The following CYFIP2 variants were observed in gnomAD, a reference collection of about 807,000 sequenced individuals.
CYFIP2 encodes cytoplasmic FMR1 interacting protein 2, also known as cytoplasmic FMR1-interacting protein 2.
In CYFIP2, 29 loss-of-function variants were observed where a neutral mutation model predicts 158.7. The observed-to-expected ratio is 0.18, with a 90% CI of 0.14 to 0.25. The LOEUF (loss-of-function observed/expected upper bound fraction) is 0.25. Ranked by LOEUF, CYFIP2 falls within the 10% of genes least tolerant of loss-of-function variation. The pLI is 1.00. For missense variants in CYFIP2, 852 were observed against 1,639.5 expected, an observed-to-expected ratio of 0.52 and a Z score of 8.29; for synonymous variants, 585 against 617.6, an observed-to-expected ratio of 0.95 and a Z score of 0.78.
At chr5:157,372,421 C>A (rs1340083240) in intron 26 of CYFIP2, among the ~76,000 whole-genome samples, 1 of 152,052 alleles carries the variant, frequency 6.6e-6, no homozygotes, top group African/African-American at 2.4e-5. Flanking sequence ...TTCATTATTC[C>A]TTCAAATATT....
At chr5:157,275,801 T>C (rs950800669) in intron 1 of CYFIP2, among the ~76,000 whole-genome samples, 43 of 152,236 alleles carry the variant, frequency 2.8e-4, no homozygotes, top group African/African-American at 1.0e-3. Context: ...TATCTTTTTA[T>C]TTATTTAGGT....
Position 157,339,186 on chromosome 5 carries a change from A to G in CYFIP2, c.2515A>G (p.Thr839Ala). Residue 839 changes from threonine (T) to alanine (A), a missense_variant, in exon 22 of 31, where the codon ACC becomes GCC. Thr to Ala is a moderately conservative substitution (Grantham distance 58, BLOSUM62 0). Around this residue, in one of 8 missense-constraint regions of CYFIP2, gnomAD observed 191 missense variants for 311.2 expected, o/e 0.61. Transcript: ENST00000620254. The part of the protein sequence containing the change: ...HNVSAPYGRI[T>A]LHVFWELNFD... ...TGTGTCCGCCCCCTATGGCCGTATC[A>G]CCCTGCATGTCTTCTGGGAACTGAA... The G allele has an allele frequency of 6.2e-7, 1 of 1,613,812 alleles. No individual in the cohort carries two copies. Among genetic ancestry groups the G allele is most frequent in the Non-Finnish European group, 8.5e-7 (1 of 1,179,884 alleles).
chr5:157,309,015 A>G (rs181555447), intron 9 of CYFIP2, among the ~76,000 whole-genome samples: 1 of 152,334 alleles, frequency 6.6e-6, no homozygotes, highest in East Asian at 1.9e-4. Flanking sequence ...GTGGGGTTAC[A>G]TAGATGACTC....
rs753248226 is a variant in CYFIP2, at chr5:157,390,599, G to A, written c.3525G>A (p.Leu1175=). ...VLLGQQRRFD[L]FDFCYHLLKV... is the part of the protein sequence containing the mutation. ...TGGGCCAGCAGCGTCGCTTTGACCT[G>A]TTCGACTTCTGTTACCACCTGCTAA... The change falls in exon 30 of 31, where the codon CTG becomes CTA. Residue 1175 remains leucine, a synonymous_variant. Coordinates refer to ENST00000620254, the MANE Select transcript of CYFIP2 (RefSeq NM_001037333.3). 2.0e-5 allele frequency: 31 copies of A among 1,568,582 alleles called. 1 individual carries two copies. The highest frequency in any genetic ancestry group is 5.7e-5 in the Admixed American group (3 of 52,502).
At chr5:157,348,286 T>A (rs944966181) in intron 23 of CYFIP2, among the ~76,000 whole-genome samples, 7 of 152,124 alleles carry the variant, frequency 4.6e-5, no homozygotes, top group Non-Finnish European at 8.8e-5. Context: ...GCCCTGGAAT[T>A]CCCAGGCTGG....
chr5:157,283,620 C>T (rs1757155445), intron 1 of CYFIP2, among the ~76,000 whole-genome samples: 1 of 152,126 alleles, frequency 6.6e-6, no homozygotes, highest in Admixed American at 6.5e-5. Flanking sequence ...TCAGTGAGCC[C>T]TCACTGGATG....
At position 157,337,016 on chromosome 5, in the gene CYFIP2, C is replaced by T. The variant is rs186930078; in HGVS notation, c.2386-2041C>T. 2.4e-3 allele frequency among the ~76,000 whole-genome samples: 369 copies of T among 152,310 alleles called. 3 individuals are homozygous for T. Among genetic ancestry groups the T allele is most frequent in the African/African-American group, 8.4e-3 (350 of 41,554 alleles). The stretch of plus-strand genomic sequence containing the variant: ...TTGTGAGACTGCTGAAGTCACAGAA[C>T]GATAACACAGAAATTGTTCCCCAGC... On this transcript the variant is annotated intron_variant, in intron 21 of 30. Transcript: ENST00000620254.
chr5:157,280,079 A>G (rs1756870872), intron 1 of CYFIP2, among the ~76,000 whole-genome samples: 1 of 151,840 alleles, frequency 6.6e-6, no homozygotes, highest in African/African-American at 2.4e-5. Flanking sequence ...ACATAAACAG[A>G]CTCCTAATTT....
At chr5:157,369,571 C>T (rs1025567772) in intron 26 of CYFIP2, among the ~76,000 whole-genome samples, 1 of 152,188 alleles carries the variant, frequency 6.6e-6, no homozygotes, top group East Asian at 1.9e-4. Context: ...CACCTTCATC[C>T]AAAGCCAGCT....
chr5:157,391,448 C>G (rs1326370468), intron 30 of CYFIP2, among the ~76,000 whole-genome samples: 3 of 152,172 alleles, frequency 2.0e-5, no homozygotes, highest in African/African-American at 7.2e-5. Flanking sequence ...AAAAATAATT[C>G]CATTTTCTCC....
chr5:157,339,181 G>A lies in CYFIP2; in HGVS notation c.2510G>A (p.Arg837His), dbSNP rs1762071958. 1.2e-6 allele frequency: 2 copies of A among 1,613,968 alleles called. No homozygotes were observed. The highest frequency in any genetic ancestry group is 1.7e-6 in the Non-Finnish European group (2 of 1,179,900). ...ANHNVSAPYGRITLHVFWELN... is the reference protein window; with the variant it reads ...ANHNVSAPYGHITLHVFWELN... ...CACAATGTGTCCGCCCCCTATGGCC[G>A]TATCACCCTGCATGTCTTCTGGGAA... is the stretch of plus-strand genomic sequence containing the variant. Residue 837 changes from arginine (R) to histidine (H), a missense_variant, in exon 22 of 31, where the codon CGT becomes CAT. Around this residue, in one of 8 missense-constraint regions of CYFIP2, gnomAD observed 191 missense variants for 311.2 expected, o/e 0.61. Coordinates refer to ENST00000620254, the MANE Select transcript of CYFIP2 (RefSeq NM_001037333.3).
At chr5:157,366,154 G>T (rs1043770296) in intron 26 of CYFIP2, among the ~76,000 whole-genome samples, 1 of 152,084 alleles carries the variant, frequency 6.6e-6, no homozygotes, top group African/African-American at 2.4e-5. Context: ...CCATTCTGGG[G>T]GGGCTGTCAT....
intron 21 of CYFIP2, among the ~76,000 whole-genome samples, chr5:157,335,610 T>G (rs575445851): frequency 2.6e-5 from 4 of 152,282 alleles, no homozygotes; most frequent in African/African-American, 9.6e-5. Flanking sequence ...AAAATAAATT[T>G]GGGGCTGCAA....
chr5:157,351,294 T>C (rs182063020), intron 23 of CYFIP2, among the ~76,000 whole-genome samples: 1 of 152,366 alleles, frequency 6.6e-6, no homozygotes, highest in East Asian at 1.9e-4. Context: ...TTTCCTGAGT[T>C]GGTCATAGCT....
intron 13 of CYFIP2, among the ~76,000 whole-genome samples, chr5:157,315,731 A>G (rs1357799233): frequency 6.6e-6 from 1 of 152,214 alleles, no homozygotes; most frequent in Non-Finnish European, 1.5e-5. Context: ...AACAACTTAA[A>G]TGTTCTTCAA....
In CYFIP2 at chr5:157,314,230, G is replaced by C. The variant is rs571423311; in HGVS notation, c.1111-114G>C. The C allele has an allele frequency of 3.6e-4, 495 of 1,362,080 alleles. 3 individuals are homozygous for C. In the African/African-American group the frequency reaches 6.3e-3, roughly 17 times the overall value. 84.4% of individuals were successfully genotyped at this position (1,362,080 alleles called of 1,614,324 possible). The stretch of plus-strand genomic sequence containing the variant: ...CACTTGTCTGAGCCTCAGTTTATCT[G>C]TCAAGGGGATGTAATAATAGCACTT... On this transcript the variant is annotated intron_variant, in intron 11 of 30. Coordinates refer to ENST00000620254, the MANE Select transcript of CYFIP2 (RefSeq NM_001037333.3).
chr5:157,298,815 T>C (rs1448651238), intron 5 of CYFIP2, among the ~76,000 whole-genome samples: 1 of 152,240 alleles, frequency 6.6e-6, no homozygotes, highest in Non-Finnish European at 1.5e-5. Context: ...CTGAATCATA[T>C]AACGTGGTCT....
chr5:157,272,141 G>A (rs533100016), intron 1 of CYFIP2, among the ~76,000 whole-genome samples: 1 of 152,348 alleles, frequency 6.6e-6, no homozygotes, highest in South Asian at 2.1e-4. Flanking sequence ...CCCCCACCAA[G>A]ATCTTTTTCT....
intron 11 of CYFIP2, among the ~76,000 whole-genome samples, chr5:157,312,706 G>A (rs1759835425): frequency 6.6e-6 from 1 of 152,184 alleles, no homozygotes; most frequent in African/African-American, 2.4e-5. Context: ...TCTGACAAAT[G>A]CAAGGCCTCG....
Sources: gnomAD v4.1 joint callset for allele counts (sites outside exome capture counted in the v4.1 genomes callset) on GRCh38, gnomAD v4.1.1 for gene constraint, gnomAD v4.1.1 regional missense constraint, MANE v1.5 for transcripts, NCBI Gene and HGNC (gene_info 2026-07-23, HGNC 2026-07-21) for gene names.